ABCA13: variants seen among roughly 807,000 people sequenced by gnomAD.
ABCA13 encodes the protein ATP binding cassette subfamily A member 13.
In ABCA13, 476 loss-of-function variants were observed where a neutral mutation model predicts 478.7. That is an observed-to-expected ratio of 0.99 (90% CI 0.92 to 1.07). The LOEUF (loss-of-function observed/expected upper bound fraction) is 1.07. Among genes scored for constraint, ABCA13 ranks in the 50% least tolerant of loss-of-function variants. The probability of loss-of-function intolerance (pLI) is 0.00; values close to 1 mark genes in which losing one functional copy is unlikely to be tolerated. For synonymous variants in ABCA13, 2,252 were observed against 2,158.9 expected (o/e 1.04, Z -1.20); for missense variants, 6,060 against 5,910.6 (o/e 1.03, Z -0.83).
intron 42 of ABCA13, among the ~76,000 whole-genome samples, chr7:48,445,313 C>G (rs1189867579): frequency 6.6e-6 from 1 of 152,068 alleles, no homozygotes; most frequent in Non-Finnish European, 1.5e-5. Flanking sequence ...CCGGCCTAGC[C>G]AAGTCTTAAG....
chr7:48,275,723 G>A lies in ABCA13; in HGVS notation c.6057G>A (p.Thr2019=), dbSNP rs375561255. ...AAGACTGGAGCCTAGAAAAAAGTAC[G>A]CATAATCTACTCTCTTTATTCATGA... ...ISEDWSLEKS[T]HNLLSLFMML... Residue 2019 remains threonine, a synonymous_variant, in exon 17 of 62, where the codon ACG becomes ACA. Transcript: ENST00000435803. 90 of 1,603,494 alleles carry A rather than the reference G, an allele frequency of 5.6e-5. No individual in the cohort carries two copies. Among genetic ancestry groups the A allele is most frequent in the Non-Finnish European group, 7.3e-5 (86 of 1,174,264 alleles).
chr7:48,601,018 C>A (rs577810236), intron 58 of ABCA13, among the ~76,000 whole-genome samples: 1 of 151,630 alleles, frequency 6.6e-6, no homozygotes, highest in Non-Finnish European at 1.5e-5. Flanking sequence ...TTTTTTTAGT[C>A]TTGTTTTTTT....
chr7:48,325,695 G>A (rs1030606556), intron 27 of ABCA13, among the ~76,000 whole-genome samples: 2 of 152,110 alleles, frequency 1.3e-5, no homozygotes, highest in Admixed American at 1.3e-4. Context: ...CTATAAAAAG[G>A]CATTAGAGTA....
chr7:48,212,207 A>G (rs1372631415), intron 3 of ABCA13, among the ~76,000 whole-genome samples: 2 of 152,078 alleles, frequency 1.3e-5, no homozygotes, highest in African/African-American at 4.8e-5. Flanking sequence ...CCTTTGTTGC[A>G]TTCTATTGTG....
At position 48,412,472 on chromosome 7, in the gene ABCA13, TC is replaced by T; in HGVS notation, c.12350del (p.Pro4117GlnfsTer9). On this transcript the variant is annotated frameshift_variant, in exon 41 of 62. Transcript: ENST00000435803. LOFTEE classifies it high-confidence loss of function. The stretch of plus-strand genomic sequence containing the variant: ...GTGGAAGTGAGCTGACCTACACCAT[TC>T]CAAAGGACACAGACAAGGCCTGCTT... Reference protein sequence around the residue: ...SSGSELTYTIPKDTDKACLKG... With the variant: ...SSGSELTYTIXKDTDKACLKG... 1.2e-6 allele frequency: 2 copies of T among 1,613,412 alleles called. No homozygotes were observed. The highest frequency in any genetic ancestry group is 4.5e-5 in the East Asian group (2 of 44,768).
intron 42 of ABCA13, among the ~76,000 whole-genome samples, chr7:48,451,445 G>C (rs28617685): frequency 0.3 from 45,320 of 152,000 alleles, 6,840 homozygotes; most frequent in East Asian, 0.38. Flanking sequence ...CTCCCACCAG[G>C]AATGTATAAG....
chr7:48,317,110 G>C (rs1321145442), intron 26 of ABCA13, 47 bp from the exon 27 acceptor site: 2 of 1,572,092 alleles, frequency 1.3e-6, no homozygotes, highest in African/African-American at 1.4e-5. Flanking sequence ...ATTAACCTAG[G>C]CATCGTGTAT....
At chr7:48,288,981 T>A (rs370894256) in intron 20 of ABCA13, among the ~76,000 whole-genome samples, 9 of 152,312 alleles carry the variant, frequency 5.9e-5, no homozygotes, top group African/African-American at 1.9e-4. Context: ...GTTCTGGTTC[T>A]GAATGTTGTT....
In ABCA13 at chr7:48,231,970, T is replaced by C. The variant is rs369074313; in HGVS notation, c.763+2015T>C. Among the ~76,000 whole-genome samples the C allele has an allele frequency of 6.6e-5, 10 of 152,086 alleles. No homozygotes were observed. In the South Asian group the frequency reaches 2.1e-3, roughly 32 times the overall value. Reference sequence around the variant, plus strand: ...AGCCACTGCGCCCAACCCTGAACTATTGTACAATGAGATTGTTATACACAG... The same window carrying C: ...AGCCACTGCGCCCAACCCTGAACTACTGTACAATGAGATTGTTATACACAG... On this transcript the variant is annotated intron_variant, in intron 7 of 61. Coordinates refer to ENST00000435803, the MANE Select transcript of ABCA13 (RefSeq NM_152701.5).
chr7:48,249,372 A>G (rs1792182739), intron 15 of ABCA13, 21 bp downstream of exon 15: 4 of 1,610,706 alleles, frequency 2.5e-6, no homozygotes, highest in Non-Finnish European at 3.4e-6. Flanking sequence ...AGCCTAAACT[A>G]CAGGAATGGG....
intron 7 of ABCA13, among the ~76,000 whole-genome samples, chr7:48,232,617 A>G (rs1789319212): frequency 6.6e-6 from 1 of 151,976 alleles, no homozygotes; most frequent in Non-Finnish European, 1.5e-5. Flanking sequence ...CTACTGGTCC[A>G]ATTATGTTAT....
chr7:48,292,231 C>G (rs376498378), intron 20 of ABCA13, among the ~76,000 whole-genome samples: 1 of 152,256 alleles, frequency 6.6e-6, no homozygotes, highest in East Asian at 1.9e-4. Context: ...TTTTTCCCAC[C>G]CCTGGTGTTC....
At chr7:48,628,699 TA>T (rs1403370087) in intron 59 of ABCA13, among the ~76,000 whole-genome samples, 1 of 152,192 alleles carries the variant, frequency 6.6e-6, no homozygotes, top group Non-Finnish European at 1.5e-5. Flanking sequence ...TTTCTGAGGG[TA>T]AAACCTTTTC....
intron 59 of ABCA13, among the ~76,000 whole-genome samples, chr7:48,621,530 G>A (rs1256437641): frequency 1.3e-5 from 2 of 152,090 alleles, no homozygotes; most frequent in Non-Finnish European, 2.9e-5. Context: ...AAATGTTTAG[G>A]TTTTAGTTCA....
Position 48,172,977 on chromosome 7 carries a change from T to C in ABCA13, c.69+1425T>C, listed in dbSNP as rs562236204. Among the ~76,000 whole-genome samples the C allele has an allele frequency of 3.3e-5, 5 of 152,326 alleles. No homozygotes were observed. The East Asian group carries it at 9.6e-4, about 29-fold the overall frequency. Reference sequence around the variant, plus strand: ...TTTAGGGAATTAGCCTATTTTCCCATGAAAGAGTGTTATGGGTGGAAGTTG... The same window carrying C: ...TTTAGGGAATTAGCCTATTTTCCCACGAAAGAGTGTTATGGGTGGAAGTTG... On this transcript the variant is annotated intron_variant, in intron 1 of 61. Transcript: ENST00000435803.
At chr7:48,309,913 T>C (rs1405867290) in intron 23 of ABCA13, 34 bp from the exon 24 acceptor site, 2 of 1,611,508 alleles carry the variant, frequency 1.2e-6, no homozygotes, top group African/African-American at 1.3e-5. Context: ...ACGTCATAGG[T>C]ATACTCACCT....
chr7:48,209,201 C>A (rs540599091), intron 3 of ABCA13, among the ~76,000 whole-genome samples: 3 of 152,056 alleles, frequency 2.0e-5, no homozygotes, highest in African/African-American at 7.2e-5. Flanking sequence ...ATTATATTTA[C>A]ATGTAAATTT....
At chr7:48,614,059 T>C (rs1792294237) in intron 58 of ABCA13, among the ~76,000 whole-genome samples, 1 of 149,268 alleles carries the variant, frequency 6.7e-6, no homozygotes, top group African/African-American at 2.4e-5. Flanking sequence ...CTTAAGGTAA[T>C]ATTTAATATT....
chr7:48,590,377 C>A (rs1789607605), intron 57 of ABCA13, among the ~76,000 whole-genome samples: 1 of 151,352 alleles, frequency 6.6e-6, no homozygotes, highest in African/African-American at 2.4e-5. Context: ...TTTTCTTTTC[C>A]CATTTATACA....
Sources: gnomAD v4.1 joint callset for allele counts (sites outside exome capture counted in the v4.1 genomes callset) on GRCh38, gnomAD v4.1.1 for gene constraint, MANE v1.5 for transcripts, NCBI Gene and HGNC (gene_info 2026-07-23, HGNC 2026-07-21) for gene names.